The following STPG2 variants were observed in gnomAD, a reference collection of about 807,000 sequenced individuals.
STPG2 encodes the protein sperm tail PG-rich repeat containing 2.
STPG2 carries 56 observed loss-of-function variants against 54.2 expected under a neutral mutation model. The ratio of observed to expected loss-of-function variants is 1.03; its 90% CI spans 0.83 to 1.29. The LOEUF is 1.29. Ranked by LOEUF, STPG2 falls within the 50% of genes most tolerant of loss-of-function variation. STPG2 has a pLI of 0.00. For missense variants in STPG2, 596 were observed against 544.9 expected, an observed-to-expected ratio of 1.09 and a Z score of -0.93; for synonymous variants, 200 against 181.8, an observed-to-expected ratio of 1.10 and a Z score of -0.81.
In STPG2 at chr4:98,069,377, A is replaced by T. The variant is rs562997713; in HGVS notation, c.612+36576T>A. ...AATAACTGTAGGAAACTATATTTTA[A>T]TTTTTGTATATATTATTTATAAAGT... is the stretch of plus-strand genomic sequence containing the variant. On this transcript the variant is annotated intron_variant, in intron 5 of 10. Coordinates refer to ENST00000295268, the MANE Select transcript of STPG2 (RefSeq NM_174952.3). Among the ~76,000 whole-genome samples, 6 of 152,108 alleles carry T rather than the reference A, an allele frequency of 3.9e-5. No homozygotes were observed. In the South Asian group the frequency reaches 1.0e-3, roughly 26 times the overall value.
chr4:98,115,776 G>A (rs1739500552), intron 3 of STPG2, among the ~76,000 whole-genome samples: 1 of 151,978 alleles, frequency 6.6e-6, no homozygotes, highest in Non-Finnish European at 1.5e-5. Context: ...AGTAGTTTGT[G>A]AAGAACCTGT....
At chr4:97,827,905 G>T (rs1728312251) in intron 9 of STPG2, among the ~76,000 whole-genome samples, 1 of 151,980 alleles carries the variant, frequency 6.6e-6, no homozygotes, top group South Asian at 2.1e-4. Flanking sequence ...AGGCCCGGGA[G>T]CCCCAAGTTA....
intron 5 of STPG2, among the ~76,000 whole-genome samples, chr4:98,072,242 A>C (rs191253598): frequency 3.9e-5 from 6 of 152,344 alleles, no homozygotes; most frequent in Non-Finnish European, 8.8e-5. Context: ...AAAAGGAACA[A>C]GATTATGTCC....
intron 5 of STPG2, among the ~76,000 whole-genome samples, chr4:97,982,041 T>C (rs1421620031): frequency 1.3e-5 from 2 of 151,694 alleles, no homozygotes; most frequent in East Asian, 1.9e-4. Context: ...CCCGCCACCA[T>C]GCCCAGCTAT....
chr4:97,859,156 CT>C (rs574520011), intron 8 of STPG2, among the ~76,000 whole-genome samples: 2 of 151,906 alleles, frequency 1.3e-5, no homozygotes, highest in African/African-American at 2.4e-5. Context: ...CAATGTTGAT[CT>C]TTTTTTTCAT....
intron 7 of STPG2, among the ~76,000 whole-genome samples, chr4:97,951,379 G>A (rs1365821122): frequency 6.6e-6 from 1 of 152,148 alleles, no homozygotes; most frequent in Non-Finnish European, 1.5e-5. Context: ...ACCTTTGGGT[G>A]TATTGCAGAA....
chr4:97,631,815 G>C (rs773759776), intron 10 of STPG2, among the ~76,000 whole-genome samples: 1 of 152,024 alleles, frequency 6.6e-6, no homozygotes, highest in Non-Finnish European at 1.5e-5. Context: ...ATTAACCTGT[G>C]ACATTTTTGA....
At position 97,915,301 on chromosome 4, in the gene STPG2, C is replaced by A. The variant is rs180753937; in HGVS notation, c.1044+28596G>T. 2.6e-5 allele frequency among the ~76,000 whole-genome samples: 4 copies of A among 152,256 alleles called. No homozygotes were observed. In the East Asian group the frequency reaches 7.8e-4, roughly 30 times the overall value. ...TAACCAGCATTTACTAATTGCTTGC[C>A]ATGTGCCAAGTGTTTTACCCAATCA... On this transcript the variant is annotated intron_variant, in intron 8 of 10. Transcript: ENST00000295268.
intron 9 of STPG2, among the ~76,000 whole-genome samples, chr4:97,726,537 C>A (rs1056455199): frequency 4.6e-5 from 7 of 151,922 alleles, no homozygotes; most frequent in African/African-American, 1.4e-4. Flanking sequence ...TAAAAAGTGA[C>A]AAAATTTAAG....
intron 4 of STPG2, among the ~76,000 whole-genome samples, chr4:97,476,572 A>G (rs1477220028): frequency 6.6e-6 from 1 of 152,192 alleles, no homozygotes; most frequent in Non-Finnish European, 1.5e-5. Flanking sequence ...TCTGGAGGAT[A>G]TCACTGTATC....
chr4:97,946,277 T>A (rs1286130001), intron 7 of STPG2, among the ~76,000 whole-genome samples: 1 of 152,216 alleles, frequency 6.6e-6, no homozygotes, highest in Non-Finnish European at 1.5e-5. Flanking sequence ...TTGAGTTCCT[T>A]GTAGATTCTG....
At chr4:97,564,462 T>A (rs1426125035) in intron 10 of STPG2, among the ~76,000 whole-genome samples, 2 of 152,238 alleles carry the variant, frequency 1.3e-5, no homozygotes, top group African/African-American at 4.8e-5. Context: ...ATGTGTGTAT[T>A]TGAGCCTGTC....
intron 8 of STPG2, among the ~76,000 whole-genome samples, chr4:97,885,272 T>C (rs1411806620): frequency 6.6e-6 from 1 of 152,130 alleles, no homozygotes; most frequent in Non-Finnish European, 1.5e-5. Context: ...AATTTAAAAG[T>C]GAGAGACTGT....
At chr4:97,836,161 C>T (rs1185920191) in intron 9 of STPG2, among the ~76,000 whole-genome samples, 8 of 151,972 alleles carry the variant, frequency 5.3e-5, no homozygotes, top group African/African-American at 1.9e-4. Context: ...CAAGTGCTAT[C>T]AAGCCACATC....
At chr4:97,583,938 A>G (rs1732928400) in intron 10 of STPG2, among the ~76,000 whole-genome samples, 3 of 151,958 alleles carry the variant, frequency 2.0e-5, no homozygotes, top group African/African-American at 7.2e-5. Flanking sequence ...GGGGGGCTTC[A>G]GCACTCCACT....
chr4:97,907,191 A>G (rs1174040666), intron 8 of STPG2, among the ~76,000 whole-genome samples: 10 of 151,702 alleles, frequency 6.6e-5, no homozygotes, highest in East Asian at 1.9e-4. Flanking sequence ...AAATCAATGT[A>G]CAAAAATCAC....
chr4:97,636,631 T>C (rs1239154646), intron 10 of STPG2, among the ~76,000 whole-genome samples: 15 of 151,054 alleles, frequency 9.9e-5, no homozygotes, highest in African/African-American at 2.9e-4. Flanking sequence ...AAGAATCAAA[T>C]AGATGCAATA....
chr4:97,779,064 G>C (rs1205128502), intron 9 of STPG2, among the ~76,000 whole-genome samples: 2 of 152,168 alleles, frequency 1.3e-5, no homozygotes, highest in African/African-American at 4.8e-5. Context: ...CACCAGCAAT[G>C]GAACAAAGCT....
intron 4 of STPG2, among the ~76,000 whole-genome samples, chr4:97,442,142 T>A (rs1026855846): frequency 2.0e-5 from 3 of 151,970 alleles, no homozygotes; most frequent in African/African-American, 7.2e-5. Context: ...TTGAAGAAAA[T>A]GTGGCTTGAC....
Sources: allele counts gnomAD v4.1 joint callset (sites outside exome capture counted in the v4.1 genomes callset), GRCh38; gene constraint gnomAD v4.1.1; transcripts MANE v1.5; gene names NCBI Gene and HGNC (gene_info 2026-07-23, HGNC 2026-07-21).